Variants in STK31 observed in about 807,000 individuals in gnomAD.
The protein encoded by STK31 is serine/threonine-protein kinase 31.
A neutral mutation model predicts 129.7 loss-of-function variants in STK31; 89 were observed. That is an observed-to-expected ratio of 0.69 (90% CI 0.58 to 0.82). The LOEUF is 0.82. STK31 is among the 40% of genes least tolerant of loss of function. The pLI, the probability that STK31 is intolerant of heterozygous loss-of-function variation, is 0.00. For synonymous variants in STK31, 448 were observed against 395.3 expected (o/e 1.13, Z -1.58); for missense variants, 1,187 against 1,176.4 (o/e 1.01, Z -0.13).
At chr7:23,759,800 T>TA (rs1789344247) in intron 10 of STK31, among the ~76,000 whole-genome samples, 1 of 152,198 alleles carries the variant, frequency 6.6e-6, no homozygotes, top group Admixed American at 6.5e-5. Context: ...AAACTACAAA[T>TA]ACTTGATGTG....
At chr7:23,713,285 A>G (rs138621874) in intron 3 of STK31, among the ~76,000 whole-genome samples, 4,794 of 152,278 alleles carry the variant, frequency 0.031, 143 homozygotes, top group Non-Finnish European at 0.036. Flanking sequence ...CAGTAAAAAC[A>G]TATTATAAAA....
chr7:23,827,318 A>G (rs1794223088), intron 23 of STK31, among the ~76,000 whole-genome samples: 1 of 151,248 alleles, frequency 6.6e-6, no homozygotes, highest in African/African-American at 2.4e-5. Context: ...TTTTCTCTAA[A>G]CTTCTCTTCA....
chr7:23,716,350 A>T (rs1484104705), intron 3 of STK31, among the ~76,000 whole-genome samples: 1 of 152,160 alleles, frequency 6.6e-6, no homozygotes, highest in East Asian at 1.9e-4. Flanking sequence ...ATACCTTCTT[A>T]TTGATGATAA....
At position 23,712,089 on chromosome 7, in the gene STK31, ATTG is replaced by A. The variant is rs759595843; in HGVS notation, c.51-7_51-5del. On this transcript the variant is annotated splice_polypyrimidine_tract_variant and splice_region_variant and intron_variant, in intron 1 of 23. Transcript: ENST00000355870. ...GGATTATTGTAATCTAATTTAAGGT[ATTG>A]TTCTAGTTTTTCAGGAATTGTTCAA... 179 of 1,591,710 alleles carry A rather than the reference ATTG, an allele frequency of 1.1e-4. No homozygotes were observed. The highest frequency in any genetic ancestry group is 1.7e-4 in the Middle Eastern group (1 of 5,938).
chr7:23,734,146 C>T lies in STK31; in HGVS notation c.484-1392C>T, dbSNP rs541913212. Among the ~76,000 whole-genome samples the T allele has an allele frequency of 3.8e-4, 58 of 152,152 alleles. No individual in the cohort carries two copies. The Middle Eastern group carries it at 0.01, about 27-fold the overall frequency. The stretch of plus-strand genomic sequence containing the variant: ...TACACTCTTGTTTGTCTGATTATTA[C>T]GGGTATGATGTCCTGTTCGGTTTGC... On this transcript the variant is annotated intron_variant, in intron 6 of 23. Coordinates refer to ENST00000355870, the MANE Select transcript of STK31 (RefSeq NM_031414.5).
At chr7:23,725,406 T>C (rs376140036) in intron 4 of STK31, among the ~76,000 whole-genome samples, 2 of 140,384 alleles carry the variant, frequency 1.4e-5, no homozygotes, top group African/African-American at 5.4e-5. Flanking sequence ...AAGCTAGGTA[T>C]GGTATGTGTG....
At chr7:23,747,431 G>A (rs1465259509) in intron 8 of STK31, among the ~76,000 whole-genome samples, 4 of 151,800 alleles carry the variant, frequency 2.6e-5, no homozygotes, top group African/African-American at 4.8e-5. Context: ...GTGCAGTGGC[G>A]CGATGTCTGC....
chr7:23,771,028 G>T lies in STK31; in HGVS notation c.1737G>T (p.Glu579Asp). 6.2e-7 allele frequency: 1 copy of T among 1,611,870 alleles called. No homozygotes were observed. Among genetic ancestry groups the T allele is most frequent in the East Asian group, 2.2e-5 (1 of 44,730 alleles). ...ALVDQGDADK[E>D]IISNTYSQVL... is the part of the protein sequence containing the mutation. ...AGGATCAAGGTGATGCAGACAAGGA[G>T]ATAATTTCAAATACATATAGTCAAG... The change falls in exon 14 of 24, where the codon GAG becomes GAT. Residue 579 changes from glutamate (E) to aspartate (D), a missense_variant. Around this residue, in one of 5 missense-constraint regions of STK31, gnomAD observed 975 missense variants for 934.9 expected, o/e 1.04. Coordinates refer to ENST00000355870, the MANE Select transcript of STK31 (RefSeq NM_031414.5).
intron 21 of STK31, 39 bp downstream of exon 21, chr7:23,788,168 A>G (rs771733926): frequency 6.5e-7 from 1 of 1,536,344 alleles, no homozygotes; most frequent in Non-Finnish European, 8.8e-7. Flanking sequence ...TCTAGACTTT[A>G]TTTAATATTA....
At chr7:23,717,097 CTTTTTTT>C (rs70956911) in intron 3 of STK31, among the ~76,000 whole-genome samples, 71 of 42,952 alleles carry the variant, frequency 1.7e-3, no homozygotes, top group African/African-American at 6.8e-3. Flanking sequence ...TCGCAACCTG[CTTTTTTT>C]TTTTTTTTTT....
intron 4 of STK31, chr7:23,726,248 C>G (rs1787060960): frequency 6.6e-6 from 1 of 151,856 alleles, no homozygotes. Flanking sequence ...CTACTGGCAT[C>G]TAGTGTCTAG....
At chr7:23,799,984 A>C (rs1012937520) in intron 22 of STK31, among the ~76,000 whole-genome samples, 1 of 152,204 alleles carries the variant, frequency 6.6e-6, no homozygotes, top group African/African-American at 2.4e-5. Context: ...ATATGAAAAA[A>C]GCTCATCATC....
intron 3 of STK31, among the ~76,000 whole-genome samples, chr7:23,717,097 C>CTTTTTTTTTATTTTTTT (rs1786383014): frequency 2.3e-5 from 1 of 42,936 alleles, no homozygotes. Flanking sequence ...TCGCAACCTG[C>CTTTTTTTTTATTTTTTT]TTTTTTTTTT....
intron 21 of STK31, among the ~76,000 whole-genome samples, chr7:23,789,700 T>C (rs1185294003): frequency 2.6e-5 from 4 of 152,084 alleles, no homozygotes; most frequent in African/African-American, 9.7e-5. Flanking sequence ...TATAACTAAA[T>C]TATGAATTTT....
chr7:23,723,413 A>C (rs554311476), intron 4 of STK31, among the ~76,000 whole-genome samples: 1 of 151,912 alleles, frequency 6.6e-6, no homozygotes, highest in African/African-American at 2.4e-5. Flanking sequence ...AATTTTTAAA[A>C]TTTTTTTTAT....
intron 3 of STK31, among the ~76,000 whole-genome samples, chr7:23,714,836 A>G (rs568218341): frequency 2.2e-4 from 33 of 151,746 alleles, no homozygotes; most frequent in Middle Eastern, 3.4e-3. Flanking sequence ...TTTAGGCCAT[A>G]CAGTTTGTTT....
intron 22 of STK31, among the ~76,000 whole-genome samples, chr7:23,799,527 A>C (rs1252670602): frequency 1.3e-5 from 2 of 152,214 alleles, no homozygotes; most frequent in Non-Finnish European, 2.9e-5. Context: ...GGTGTTGGGA[A>C]AACTGGCTAG....
intron 23 of STK31, among the ~76,000 whole-genome samples, chr7:23,825,436 C>G (rs1219186677): frequency 2.6e-5 from 4 of 152,080 alleles, no homozygotes; most frequent in African/African-American, 9.7e-5. Context: ...TGTGGGATCA[C>G]TGGTGATATC....
At chr7:23,799,166 A>G (rs973478260) in intron 22 of STK31, among the ~76,000 whole-genome samples, 1 of 152,096 alleles carries the variant, frequency 6.6e-6, no homozygotes. Flanking sequence ...GGGCCATACT[A>G]CTCAAAGTAA....
Sources: allele counts gnomAD v4.1 joint callset (sites outside exome capture counted in the v4.1 genomes callset), GRCh38; gene constraint gnomAD v4.1.1; regional missense constraint gnomAD v4.1.1; transcripts MANE v1.5; gene names NCBI Gene and HGNC (gene_info 2026-07-23, HGNC 2026-07-21).